RERE: variants seen among roughly 807,000 people sequenced by gnomAD.
RERE encodes arginine-glutamic acid dipeptide repeats.
In RERE, 40 loss-of-function variants were observed where a neutral mutation model predicts 146.1. That is an observed-to-expected ratio of 0.27 (90% confidence interval 0.21 to 0.36). The LOEUF (loss-of-function observed/expected upper bound fraction) is 0.36, where lower values mean the gene tolerates loss of function less well. RERE is among the 10% of genes least tolerant of loss of function. The pLI is 1.00. For synonymous variants in RERE, 1,003 were observed against 866.0 expected, an observed-to-expected ratio of 1.16 and a Z score of -2.78; for missense variants, 1,933 against 2,138.7, an observed-to-expected ratio of 0.90 and a Z score of 1.90.
chr1:8,749,503 G>C (rs1029671487), intron 1 of RERE, among the ~76,000 whole-genome samples: 31 of 151,650 alleles, frequency 2.0e-4, no homozygotes, highest in Admixed American at 2.0e-3. Flanking sequence ...CCTCCCTAAG[G>C]AATAATATTG....
chr1:8,389,390 G>T (rs749865563), intron 12 of RERE, among the ~76,000 whole-genome samples: 1 of 152,178 alleles, frequency 6.6e-6, no homozygotes, highest in Admixed American at 6.5e-5. Context: ...TCAACGCCTT[G>T]TTCTTTATTC....
At chr1:8,793,099 G>GTGAGC (rs765784644) in intron 1 of RERE, among the ~76,000 whole-genome samples, 6 of 148,846 alleles carry the variant, frequency 4.0e-5, no homozygotes, top group Non-Finnish European at 5.9e-5. Context: ...AGAGGTTGCA[G>GTGAGC]TGAGCTGAGA....
chr1:8,510,882 G>A (rs1645326555), intron 7 of RERE, among the ~76,000 whole-genome samples: 2 of 152,088 alleles, frequency 1.3e-5, no homozygotes, highest in African/African-American at 2.4e-5. Context: ...TGGCTACACT[G>A]TTAAGTCCTT....
chr1:8,689,387 A>G lies in RERE; in HGVS notation c.-144-32946T>C, dbSNP rs544884602. On this transcript the variant is annotated intron_variant, in intron 1 of 22. Coordinates refer to ENST00000400908, the MANE Select transcript of RERE (RefSeq NM_001042681.2). The stretch of plus-strand genomic sequence containing the variant: ...ATTTTCTGGTTGTAGATAGCCACAA[A>G]TAACTCCTCTATCCTATTACAGACA... Among the ~76,000 whole-genome samples the G allele has an allele frequency of 1.0e-3, 153 of 152,358 alleles. 1 individual carries two copies. Among genetic ancestry groups the G allele is most frequent in the African/African-American group, 3.5e-3 (145 of 41,590 alleles).
At chr1:8,608,727 A>T (rs1646752812) in intron 4 of RERE, among the ~76,000 whole-genome samples, 1 of 152,260 alleles carries the variant, frequency 6.6e-6, no homozygotes, top group Non-Finnish European at 1.5e-5. Context: ...GATATTTGTG[A>T]TCTAAAAATG....
intron 2 of RERE, among the ~76,000 whole-genome samples, chr1:8,644,672 C>T (rs1317869043): frequency 1.3e-5 from 2 of 152,176 alleles, no homozygotes; most frequent in African/African-American, 2.4e-5. Context: ...TCTCAGCTTA[C>T]TTCCCATAGT....
intron 11 of RERE, among the ~76,000 whole-genome samples, chr1:8,453,237 A>G (rs1644409417): frequency 6.6e-6 from 1 of 152,084 alleles, no homozygotes; most frequent in African/African-American, 2.4e-5. Context: ...TCTGAAAATA[A>G]TTTTCTACTT....
rs569178753 is a variant in RERE, at chr1:8,599,770, C to G, written c.522+14791G>C. On this transcript the variant is annotated intron_variant, in intron 4 of 22. Transcript: ENST00000400908. ...GATTCTTATTTTCAGCAGAAGGAGA[C>G]AGTCTTATCTCCAGCCTTACAGCTC... Among the ~76,000 whole-genome samples the G allele has an allele frequency of 1.3e-4, 20 of 152,316 alleles. No individual in the cohort carries two copies. The Middle Eastern group carries it at 0.024, about 183-fold the overall frequency.
intron 4 of RERE, among the ~76,000 whole-genome samples, chr1:8,575,197 A>T (rs1310045152): frequency 1.3e-5 from 2 of 152,158 alleles, no homozygotes; most frequent in African/African-American, 4.8e-5. Context: ...CTGCTAGAAC[A>T]ACTTGAGAAT....
chr1:8,636,557 T>C (rs1465700569), intron 2 of RERE, among the ~76,000 whole-genome samples: 3 of 151,298 alleles, frequency 2.0e-5, no homozygotes, highest in Admixed American at 6.6e-5. Context: ...ATAATAATAA[T>C]AACAATAATA....
chr1:8,632,658 T>C (rs1647048558), intron 2 of RERE, among the ~76,000 whole-genome samples: 1 of 152,226 alleles, frequency 6.6e-6, no homozygotes, highest in Admixed American at 6.5e-5. Flanking sequence ...GTTTTGTAAA[T>C]GCAACTGTTC....
intron 1 of RERE, among the ~76,000 whole-genome samples, chr1:8,814,395 G>C (rs563748241): frequency 1.3e-4 from 20 of 152,270 alleles, no homozygotes; most frequent in African/African-American, 4.6e-4. Context: ...ACAAGCCTTT[G>C]GGCAACAATT....
intron 1 of RERE, among the ~76,000 whole-genome samples, chr1:8,783,497 C>T (rs1641204261): frequency 1.3e-5 from 2 of 152,146 alleles, no homozygotes; most frequent in South Asian, 4.1e-4. Flanking sequence ...TATTTCTAGC[C>T]TGTTGTCCCA....
chr1:8,669,690 C>T (rs2124370082), intron 1 of RERE, among the ~76,000 whole-genome samples: 1 of 152,068 alleles, frequency 6.6e-6, no homozygotes, highest in Middle Eastern at 3.2e-3. Context: ...TTCTTTGGAC[C>T]ACGGTAATCT....
At chr1:8,778,738 AGGAG>A (rs1462295427) in intron 1 of RERE, among the ~76,000 whole-genome samples, 1 of 152,010 alleles carries the variant, frequency 6.6e-6, no homozygotes, top group Non-Finnish European at 1.5e-5. Context: ...CGGGAGGCTG[AGGAG>A]GGAGGATCAC....
At chr1:8,583,665 C>T (rs928919419) in intron 4 of RERE, among the ~76,000 whole-genome samples, 1 of 151,612 alleles carries the variant, frequency 6.6e-6, no homozygotes, top group Non-Finnish European at 1.5e-5. Flanking sequence ...AATATAAATT[C>T]TGCAAAAAAT....
intron 12 of RERE, among the ~76,000 whole-genome samples, chr1:8,407,350 T>A (rs1643475941): frequency 1.3e-5 from 2 of 152,196 alleles, no homozygotes; most frequent in Admixed American, 6.5e-5. Context: ...CAGTGCTTTC[T>A]GCTACCTTAT....
intron 1 of RERE, among the ~76,000 whole-genome samples, chr1:8,694,813 A>G (rs1187961785): frequency 4.6e-5 from 7 of 152,226 alleles, no homozygotes; most frequent in African/African-American, 1.4e-4. Context: ...ATGCTCATAG[A>G]TTGGAAGAAT....
chr1:8,797,316 T>C (rs182847659), intron 1 of RERE, among the ~76,000 whole-genome samples: 1 of 151,896 alleles, frequency 6.6e-6, no homozygotes, highest in Admixed American at 6.6e-5. Flanking sequence ...AGGCGGAGGC[T>C]GCAGTGAGCT....
Sources: gnomAD v4.1 joint callset for allele counts (sites outside exome capture counted in the v4.1 genomes callset) on GRCh38, gnomAD v4.1.1 for gene constraint, MANE v1.5 for transcripts, NCBI Gene and HGNC (gene_info 2026-07-23, HGNC 2026-07-21) for gene names.